PTPRD: variants seen among roughly 807,000 people sequenced by gnomAD.
PTPRD encodes receptor-type tyrosine-protein phosphatase delta.
PTPRD carries 34 observed loss-of-function variants against 214.5 expected under a neutral mutation model. The ratio of observed to expected loss-of-function variants is 0.16; its 90% CI spans 0.12 to 0.21. The LOEUF is 0.21. PTPRD is among the 10% of genes least tolerant of loss of function. The probability of loss-of-function intolerance (pLI) is 1.00; values close to 1 mark genes in which losing one functional copy is unlikely to be tolerated. For synonymous variants in PTPRD, 1,128 were observed against 845.7 expected (o/e 1.33, Z -5.79); for missense variants, 2,545 against 2,398.7 (o/e 1.06, Z -1.27).
At chr9:10,497,795 C>G (rs886817279) in intron 2 of PTPRD, among the ~76,000 whole-genome samples, 7 of 151,878 alleles carry the variant, frequency 4.6e-5, no homozygotes, top group African/African-American at 1.7e-4. Context: ...TGTTTATCTT[C>G]TACTTTTATT....
intron 7 of PTPRD, among the ~76,000 whole-genome samples, chr9:9,653,882 T>C (rs79814862): frequency 0.084 from 12,734 of 152,214 alleles, 740 homozygotes; most frequent in East Asian, 0.12. Context: ...AGTCTTGAAA[T>C]CTATTATTAT....
chr9:10,473,344 T>C (rs79995804), intron 2 of PTPRD, among the ~76,000 whole-genome samples: 8,039 of 152,160 alleles, frequency 0.053, 665 homozygotes, highest in African/African-American at 0.18. Context: ...ATCTGTGTAG[T>C]TGGAAAGCCA....
At chr9:10,554,245 T>C (rs1242709033) in intron 2 of PTPRD, among the ~76,000 whole-genome samples, 1 of 152,178 alleles carries the variant, frequency 6.6e-6, no homozygotes, top group Non-Finnish European at 1.5e-5. Flanking sequence ...TTCAGGATGT[T>C]ACTTTTTCCC....
intron 25 of PTPRD, 76 bp downstream of exon 25, chr9:8,499,571 A>G: frequency 4.7e-6 from 7 of 1,484,978 alleles, no homozygotes; most frequent in Non-Finnish European, 6.4e-6. Context: ...AAAAACTAAA[A>G]TAAGAGCAAT....
intron 30 of PTPRD, 66 bp downstream of exon 30, chr9:8,484,053 T>C: frequency 6.5e-7 from 1 of 1,539,052 alleles, no homozygotes; most frequent in Non-Finnish European, 8.8e-7. Flanking sequence ...CTCTATAATT[T>C]TGAGATATAA....
At chr9:10,074,219 T>C (rs2098089396) in intron 3 of PTPRD, among the ~76,000 whole-genome samples, 1 of 152,118 alleles carries the variant, frequency 6.6e-6, no homozygotes, top group Non-Finnish European at 1.5e-5. Context: ...TTATGTGCCA[T>C]TTAAGACCAT....
At chr9:10,555,547 T>C (rs544791606) in intron 2 of PTPRD, among the ~76,000 whole-genome samples, 13 of 152,150 alleles carry the variant, frequency 8.5e-5, no homozygotes, top group Admixed American at 1.3e-4. Context: ...CCTCCAAAAC[T>C]ACATTCGATC....
At chr9:10,094,834 C>A (rs1286640078) in intron 3 of PTPRD, among the ~76,000 whole-genome samples, 5 of 151,366 alleles carry the variant, frequency 3.3e-5, no homozygotes, top group Admixed American at 6.6e-5. Context: ...AAGCTTTCAT[C>A]CTTGTTTCAC....
intron 3 of PTPRD, among the ~76,000 whole-genome samples, chr9:10,145,338 G>T (rs9695281): frequency 1.3e-5 from 2 of 151,850 alleles, no homozygotes; most frequent in Non-Finnish European, 2.9e-5. Context: ...TTCTGCCTCC[G>T]CCACCCCTGA....
intron 5 of PTPRD, among the ~76,000 whole-genome samples, chr9:9,928,220 T>C (rs2085038205): frequency 6.6e-6 from 1 of 152,170 alleles, no homozygotes; most frequent in African/African-American, 2.4e-5. Flanking sequence ...GATCATGAAG[T>C]GTTATTAATA....
At chr9:9,307,805 C>T (rs1405987587) in intron 9 of PTPRD, among the ~76,000 whole-genome samples, 1 of 152,120 alleles carries the variant, frequency 6.6e-6, no homozygotes, top group East Asian at 1.9e-4. Flanking sequence ...GTTAATTGAC[C>T]AGTATCATCT....
At chr9:8,564,727 A>G (rs918196604) in intron 14 of PTPRD, among the ~76,000 whole-genome samples, 2 of 152,106 alleles carry the variant, frequency 1.3e-5, no homozygotes, top group Non-Finnish European at 1.5e-5. Flanking sequence ...GACATTCACA[A>G]TCAAGTCATG....
chr9:9,776,115 A>ATT (rs1186345047), intron 5 of PTPRD, among the ~76,000 whole-genome samples: 1 of 152,150 alleles, frequency 6.6e-6, no homozygotes, highest in Non-Finnish European at 1.5e-5. Flanking sequence ...ACATGCCCAC[A>ATT]TTTAGCCATG....
chr9:8,333,510 A>C (rs949058889), intron 43 of PTPRD, among the ~76,000 whole-genome samples: 2 of 152,310 alleles, frequency 1.3e-5, no homozygotes, highest in East Asian at 3.9e-4. Context: ...ATGCTGAGAG[A>C]TTATGTCACC....
At chr9:10,041,414 A>T (rs1289142229) in intron 3 of PTPRD, among the ~76,000 whole-genome samples, 2 of 152,044 alleles carry the variant, frequency 1.3e-5, no homozygotes, top group Non-Finnish European at 2.9e-5. Flanking sequence ...ATTTACAGAA[A>T]GTAGTTTTCT....
chr9:9,465,934 G>T (rs1198120557), intron 8 of PTPRD, among the ~76,000 whole-genome samples: 1 of 138,702 alleles, frequency 7.2e-6, no homozygotes, highest in East Asian at 2.4e-4. Context: ...CAGCCACAGT[G>T]ACCACAAATT....
chr9:9,908,410 T>C (rs1469718589), intron 5 of PTPRD, among the ~76,000 whole-genome samples: 2 of 151,820 alleles, frequency 1.3e-5, no homozygotes, highest in African/African-American at 4.8e-5. Context: ...TGAGGACTAG[T>C]CCTTTGAAAG....
At chr9:10,224,980 T>C (rs910615992) in intron 3 of PTPRD, among the ~76,000 whole-genome samples, 1 of 152,198 alleles carries the variant, frequency 6.6e-6, no homozygotes, top group African/African-American at 2.4e-5. Flanking sequence ...AGTAAGGCTT[T>C]CAGTCAAAAG....
At chr9:10,543,533 CAT>C (rs1372278593) in intron 2 of PTPRD, among the ~76,000 whole-genome samples, 3 of 151,586 alleles carry the variant, frequency 2.0e-5, no homozygotes, top group South Asian at 2.1e-4. Flanking sequence ...CACACACACA[CAT>C]ATACATATAT....
Sources: allele counts gnomAD v4.1 joint callset (sites outside exome capture counted in the v4.1 genomes callset), GRCh38; gene constraint gnomAD v4.1.1; transcripts MANE v1.5; gene names NCBI Gene and HGNC (gene_info 2026-07-23, HGNC 2026-07-21).